The following KCNMB2 variants were observed in gnomAD, a reference collection of about 807,000 sequenced individuals.
KCNMB2 encodes calcium-activated potassium channel subunit beta-2.
KCNMB2 carries 9 observed loss-of-function variants against 24.5 expected under a neutral mutation model. The observed-to-expected ratio is 0.37, with a 90% CI of 0.22 to 0.64. The LOEUF (loss-of-function observed/expected upper bound fraction) is 0.64, where lower values mean the gene tolerates loss of function less well. Among genes scored for constraint, KCNMB2 ranks in the 30% least tolerant of loss-of-function variants. The probability of loss-of-function intolerance (pLI) is 0.63; values close to 1 mark genes in which losing one functional copy is unlikely to be tolerated. For synonymous variants in KCNMB2, 109 were observed against 104.4 expected (o/e 1.04, Z -0.27); for missense variants, 226 against 284.3 (o/e 0.79, Z 1.47).
chr3:178,555,729 A>G (rs1423861504), intron 1 of KCNMB2, among the ~76,000 whole-genome samples: 3 of 152,232 alleles, frequency 2.0e-5, no homozygotes, highest in Non-Finnish European at 4.4e-5. Context: ...CATCCTTGAT[A>G]CTAACTACAT....
chr3:178,623,480 T>A (rs1243962522), intron 1 of KCNMB2, among the ~76,000 whole-genome samples: 3 of 152,214 alleles, frequency 2.0e-5, no homozygotes, highest in Admixed American at 2.0e-4. Flanking sequence ...CAGGAACTCT[T>A]AACTAAATAA....
At chr3:178,601,649 A>G (rs1364123515) in intron 1 of KCNMB2, among the ~76,000 whole-genome samples, 2 of 152,234 alleles carry the variant, frequency 1.3e-5, no homozygotes, top group Non-Finnish European at 2.9e-5. Flanking sequence ...GGAAGTGTAC[A>G]GAAAAGTTCC....
intron 1 of KCNMB2, among the ~76,000 whole-genome samples, chr3:178,753,659 T>C (rs181807198): frequency 3.9e-5 from 6 of 152,290 alleles, no homozygotes; most frequent in Admixed American, 3.9e-4. Context: ...ATTCCTAATA[T>C]ATTTTAATTG....
chr3:178,762,642 G>A (rs942390893), intron 1 of KCNMB2, among the ~76,000 whole-genome samples: 1 of 152,092 alleles, frequency 6.6e-6, no homozygotes, highest in South Asian at 2.1e-4. Flanking sequence ...ATCCAGATGA[G>A]AGAAAGGTTG....
At chr3:178,618,649 C>T (rs942952555) in intron 1 of KCNMB2, among the ~76,000 whole-genome samples, 4 of 152,198 alleles carry the variant, frequency 2.6e-5, no homozygotes, top group African/African-American at 4.8e-5. Context: ...TGAAAGTTAC[C>T]GAAAGCCATA....
At chr3:178,714,377 G>A (rs969991801) in intron 1 of KCNMB2, among the ~76,000 whole-genome samples, 31 of 152,316 alleles carry the variant, frequency 2.0e-4, no homozygotes, top group Middle Eastern at 6.8e-3. Context: ...GACTCATGAG[G>A]AGGGACACAG....
At chr3:178,620,769 T>G (rs542812149) in intron 1 of KCNMB2, among the ~76,000 whole-genome samples, 33 of 152,286 alleles carry the variant, frequency 2.2e-4, no homozygotes, top group African/African-American at 7.9e-4. Flanking sequence ...CAGATCTAAC[T>G]CCTGGCAATA....
At chr3:178,541,525 T>A (rs1290414727) in intron 1 of KCNMB2, among the ~76,000 whole-genome samples, 2 of 152,248 alleles carry the variant, frequency 1.3e-5, no homozygotes, top group Non-Finnish European at 2.9e-5. Flanking sequence ...AATCTCATGG[T>A]CTGTTAAACA....
At chr3:178,791,913 TGAA>T (rs759792907) in intron 1 of KCNMB2, among the ~76,000 whole-genome samples, 9 of 148,320 alleles carry the variant, frequency 6.1e-5, no homozygotes, top group African/African-American at 9.9e-5. Context: ...CTTTTAAACA[TGAA>T]GGAGAAAATG....
chr3:178,785,375 T>C (rs1713059240), intron 1 of KCNMB2, among the ~76,000 whole-genome samples: 1 of 151,994 alleles, frequency 6.6e-6, no homozygotes, highest in Admixed American at 6.6e-5. Flanking sequence ...ATTTACATGA[T>C]GAAATATTAT....
chr3:178,566,434 G>GCACA (rs144107222), intron 1 of KCNMB2, among the ~76,000 whole-genome samples: 3,284 of 151,976 alleles, frequency 0.022, 110 homozygotes, highest in African/African-American at 0.076. Flanking sequence ...TTGCACATGT[G>GCACA]CACACACACA....
intron 1 of KCNMB2, among the ~76,000 whole-genome samples, chr3:178,552,389 C>G (rs1421611158): frequency 6.6e-6 from 1 of 150,480 alleles, no homozygotes; most frequent in Admixed American, 6.6e-5. Flanking sequence ...AACCCCCCCC[C>G]AAAATATTCT....
At chr3:178,718,363 TTCTG>T (rs1364168828) in intron 1 of KCNMB2, among the ~76,000 whole-genome samples, 8 of 152,184 alleles carry the variant, frequency 5.3e-5, no homozygotes, top group African/African-American at 1.7e-4. Context: ...CTGAGTTTTT[TTCTG>T]TCTGTCTATC....
chr3:178,653,932 T>A (rs1276439138), intron 1 of KCNMB2, among the ~76,000 whole-genome samples: 2 of 152,032 alleles, frequency 1.3e-5, no homozygotes, highest in Non-Finnish European at 2.9e-5. Context: ...AAATCTTCCC[T>A]TTTTTTACTA....
At chr3:178,817,943 C>T (rs1577211532) in intron 2 of KCNMB2, among the ~76,000 whole-genome samples, 1 of 152,212 alleles carries the variant, frequency 6.6e-6, no homozygotes, top group Admixed American at 6.5e-5. Context: ...TCTTGAACAG[C>T]TCAGTATTCA....
At chr3:178,773,368 G>C (rs1279926451) in intron 1 of KCNMB2, among the ~76,000 whole-genome samples, 1 of 151,842 alleles carries the variant, frequency 6.6e-6, no homozygotes, top group Non-Finnish European at 1.5e-5. Context: ...AAATTCCATG[G>C]AAGATTATGT....
intron 1 of KCNMB2, among the ~76,000 whole-genome samples, chr3:178,590,292 C>T (rs1025940044): frequency 6.6e-6 from 1 of 152,058 alleles, no homozygotes; most frequent in Non-Finnish European, 1.5e-5. Context: ...TTTATCTGTA[C>T]ATTTTTTATC....
rs9838333 is a variant in KCNMB2 at position 178,565,561 on chromosome 3, T to C, written c.-68+28850T>C. 5.6e-3 allele frequency among the ~76,000 whole-genome samples: 848 copies of C among 152,352 alleles called. 5 individuals are homozygous for C. Among genetic ancestry groups the C allele is most frequent in the African/African-American group, 0.019 (808 of 41,576 alleles). Reference sequence around the variant, plus strand: ...TAATATGTATCTCTAGATATGAAGATGGATACAAAGAAAGTGTTGTGTCAC... The same window carrying C: ...TAATATGTATCTCTAGATATGAAGACGGATACAAAGAAAGTGTTGTGTCAC... On this transcript the variant is annotated intron_variant, in intron 1 of 4. Coordinates refer to ENST00000452583, the MANE Select transcript of KCNMB2 (RefSeq NM_181361.3).
intron 1 of KCNMB2, among the ~76,000 whole-genome samples, chr3:178,705,323 T>C (rs1379566508): frequency 6.6e-6 from 1 of 152,064 alleles, no homozygotes; most frequent in African/African-American, 2.4e-5. Context: ...AGGGAATGAA[T>C]CTCAGGCCTG....
Sources: gnomAD v4.1 joint callset for allele counts (sites outside exome capture counted in the v4.1 genomes callset) on GRCh38, gnomAD v4.1.1 for gene constraint, MANE v1.5 for transcripts, NCBI Gene and HGNC (gene_info 2026-07-23, HGNC 2026-07-21) for gene names.